CFAP46: variants seen among roughly 807,000 people sequenced by gnomAD.
CFAP46 encodes cilia and flagella associated protein 46.
CFAP46 carries 245 observed loss-of-function variants against 325.7 expected under a neutral mutation model. The ratio of observed to expected loss-of-function variants is 0.75; its 90% CI spans 0.68 to 0.84. The LOEUF (loss-of-function observed/expected upper bound fraction) is 0.84, where lower values mean the gene tolerates loss of function less well. Ranked by LOEUF, CFAP46 falls within the 40% of genes least tolerant of loss-of-function variation. The pLI is 0.00. For missense variants in CFAP46, 3,346 were observed against 3,543.0 expected (o/e 0.94, Z 1.41); for synonymous variants, 1,523 against 1,495.9 (o/e 1.02, Z -0.42).
chr10:132,867,106 C>A (rs1591063083), intron 34 of CFAP46, among the ~76,000 whole-genome samples: 1 of 151,524 alleles, frequency 6.6e-6, no homozygotes, highest in African/African-American at 2.4e-5. Context: ...CAGGCCAGCC[C>A]CACACAAACA....
intron 11 of CFAP46, 143 bp downstream of exon 11, chr10:132,924,553 G>T: frequency 1.3e-6 from 1 of 762,284 alleles, no homozygotes; most frequent in Non-Finnish European, 1.9e-6. Flanking sequence ...AGCTGGGACA[G>T]AGGGTGGCCC....
chr10:132,916,449 CGAATGCAAAGGGT>C (rs1397978798), intron 17 of CFAP46, 87 bp downstream of exon 17: 2 of 1,320,352 alleles, frequency 1.5e-6, no homozygotes, highest in East Asian at 5.9e-5. Flanking sequence ...GGTGTCCTTA[CGAATGCAAAGGGT>C]GTCCCTCCCC....
At position 132,811,021 on chromosome 10, in the gene CFAP46, C is replaced by G; in HGVS notation, c.7512G>C (p.Val2504=). Residue 2504 remains valine, a synonymous_variant, in exon 56 of 58, where the codon GTG becomes GTC. Coordinates refer to ENST00000368586, the MANE Select transcript of CFAP46 (RefSeq NM_001200049.3). ...ACCGCGCCAGGTCCAGCAGGACTGC[C>G]ACCTGGCACTCTGCCGGGACGGGAA... ...LVAMNLQECQ[V]AVLLDLARSY... The G allele has an allele frequency of 6.3e-7, 1 of 1,599,974 alleles. No homozygotes were observed.
chr10:132,938,255 C>T (rs538661071), intron 5 of CFAP46, among the ~76,000 whole-genome samples: 2 of 152,354 alleles, frequency 1.3e-5, no homozygotes, highest in South Asian at 2.1e-4. Flanking sequence ...GCTGTTAAAA[C>T]GTCTACTGCG....
chr10:132,887,939 T>TTCCCCTCTCTCTCTCC (rs1849187120), intron 25 of CFAP46, among the ~76,000 whole-genome samples: 4 of 51,526 alleles, frequency 7.8e-5, no homozygotes, highest in African/African-American at 6.3e-4. Context: ...TCTCTCCTCT[T>TTCCCCTCTCTCTCTCC]TCACCTCTCT....
intron 23 of CFAP46, 93 bp from the exon 24 acceptor site, chr10:132,899,214 C>T: frequency 2.2e-6 from 3 of 1,362,258 alleles, no homozygotes; most frequent in Non-Finnish European, 3.0e-6. Context: ...CGCCCAGGGC[C>T]CAGCCACACG....
chr10:132,913,428 C>G (rs904677304), intron 17 of CFAP46, among the ~76,000 whole-genome samples, 170 bp from the exon 18 acceptor site: 1 of 152,216 alleles, frequency 6.6e-6, no homozygotes, highest in Non-Finnish European at 1.5e-5. Context: ...GCCGCTGGCA[C>G]TCCCACCTGA....
chr10:132,888,389 TGCACCCC>T (rs1849200599), intron 25 of CFAP46, among the ~76,000 whole-genome samples: 1 of 59,110 alleles, frequency 1.7e-5, no homozygotes. Context: ...CCCTGCCGCC[TGCACCCC>T]TGCCGCCTGC....
chr10:132,904,367 C>T (rs1381350518), intron 22 of CFAP46, among the ~76,000 whole-genome samples: 15 of 149,676 alleles, frequency 1.0e-4, no homozygotes, highest in Non-Finnish European at 4.4e-5. Flanking sequence ...GGTGGAAAGG[C>T]GCCAACACTG....
chr10:132,823,521 G>GTGTGTGC (rs1564767315), intron 50 of CFAP46, among the ~76,000 whole-genome samples: 3 of 119,258 alleles, frequency 2.5e-5, no homozygotes, highest in Non-Finnish European at 5.4e-5. Context: ...GATGTGTGCT[G>GTGTGTGC]TGTGTGCTGT....
Position 132,899,103 on chromosome 10 carries a change from G to A in CFAP46, c.3075C>T (p.Gly1025=). ...CGGCCAGCATCACCAGGGCGCTGCTGCCCGCGATGCCTCCGAACCTAAAAG... is the reference window on the plus strand; with the variant it reads ...CGGCCAGCATCACCAGGGCGCTGCTACCCGCGATGCCTCCGAACCTAAAAG... ...TESARFGGIA[G]SSALVMLAAR... Residue 1025 remains glycine, a synonymous_variant, in exon 24 of 58, where the codon GGC becomes GGT. Coordinates refer to ENST00000368586, the MANE Select transcript of CFAP46 (RefSeq NM_001200049.3). 1 of 1,549,786 alleles carries A rather than the reference G, an allele frequency of 6.5e-7. No homozygotes were observed. The highest frequency in any genetic ancestry group is 8.7e-7 in the Non-Finnish European group (1 of 1,146,890).
chr10:132,863,136 G>A lies in CFAP46; in HGVS notation c.4891-2154C>T, dbSNP rs140939118. Among the ~76,000 whole-genome samples the A allele has an allele frequency of 9.3e-3, 1,410 of 152,158 alleles. 12 individuals are homozygous for A. Among genetic ancestry groups the A allele is most frequent in the South Asian group, 0.044 (210 of 4,824 alleles). Reference sequence around the variant, plus strand: ...GGGCTCCAAGGTCCACGGTGGCCCCGGGTATGAGGCAGGTTCACTCCCCAA... The same window carrying A: ...GGGCTCCAAGGTCCACGGTGGCCCCAGGTATGAGGCAGGTTCACTCCCCAA... On this transcript the variant is annotated intron_variant, in intron 35 of 57. Coordinates refer to ENST00000368586, the MANE Select transcript of CFAP46 (RefSeq NM_001200049.3).
chr10:132,829,251 T>C lies in CFAP46; in HGVS notation c.7117+4107A>G, dbSNP rs911210145. 2.6e-5 allele frequency among the ~76,000 whole-genome samples: 4 copies of C among 152,350 alleles called. No homozygotes were observed. In the East Asian group the frequency reaches 5.8e-4, roughly 22 times the overall value. ...TTTAATCTCTCTCGGCAATGTTTTA[T>C]AGTATGAGCGTATAAAGTCTTGCAC... On this transcript the variant is annotated intron_variant, in intron 50 of 57. Transcript: ENST00000368586.
At chr10:132,826,226 G>C (rs1848046376) in intron 50 of CFAP46, among the ~76,000 whole-genome samples, 1 of 137,946 alleles carries the variant, frequency 7.2e-6, no homozygotes, top group Non-Finnish European at 1.6e-5. Flanking sequence ...ACCAGCCACG[G>C]AGCCAGGCAG....
intron 22 of CFAP46, among the ~76,000 whole-genome samples, chr10:132,907,131 C>A (rs1025691922): frequency 2.6e-5 from 4 of 152,280 alleles, no homozygotes. Flanking sequence ...GGGCCTGGGG[C>A]GCTCCTTGCC....
intron 19 of CFAP46, among the ~76,000 whole-genome samples, chr10:132,910,749 A>G (rs143753112): frequency 6.6e-6 from 1 of 152,292 alleles, no homozygotes; most frequent in Non-Finnish European, 1.5e-5. Flanking sequence ...ACGTCTTGGT[A>G]GCACAGACAC....
Position 132,810,800 on chromosome 10 carries a change from G to A in CFAP46, c.7583+150C>T, listed in dbSNP as rs573868864. 1.1e-3 allele frequency: 844 copies of A among 797,174 alleles called. 15 individuals are homozygous for A. The South Asian group carries it at 0.011, about 11-fold the overall frequency. The allele number at this position is 797,174 out of a possible 1,614,324, so 49.4% of individuals were successfully genotyped here. On this transcript the variant is annotated intron_variant, in intron 56 of 57. Coordinates refer to ENST00000368586, the MANE Select transcript of CFAP46 (RefSeq NM_001200049.3). Reference sequence around the variant, plus strand: ...CCCTCCCCATGCACAGCCACACCTCGCCAACTGCTGGAACGCATGTGCACC... The same window carrying A: ...CCCTCCCCATGCACAGCCACACCTCACCAACTGCTGGAACGCATGTGCACC...
chr10:132,926,573 C>A lies in CFAP46; in HGVS notation c.1060G>T (p.Val354Phe), dbSNP rs762251453. The change falls in exon 10 of 58, where the codon GTT becomes TTT. Residue 354 changes from valine (V) to phenylalanine (F), a missense_variant. By Grantham distance (50) the Val-to-Phe change is conservative (BLOSUM62 -1). Transcript: ENST00000368586. ...SKMKVYNRAAVEAQLDIIQRL... is the reference protein window; with the variant it reads ...SKMKVYNRAAFEAQLDIIQRL... ...ACTCCTGCGTAAGGACTGACCTCAA[C>A]AGCCGCTCGGTTGTACACTTTCATC... is the stretch of plus-strand genomic sequence containing the variant. The A allele has an allele frequency of 6.5e-7, 1 of 1,535,362 alleles. No homozygotes were observed. The highest frequency in any genetic ancestry group is 1.4e-5 in the African/African-American group (1 of 73,028).
intron 44 of CFAP46, 127 bp downstream of exon 44, chr10:132,845,930 A>G: frequency 1.9e-6 from 2 of 1,027,098 alleles, no homozygotes; most frequent in East Asian, 2.6e-5. Flanking sequence ...GGGCACGGGG[A>G]GGGATGGCTC....
Sources: gnomAD v4.1 joint callset for allele counts (sites outside exome capture counted in the v4.1 genomes callset) on GRCh38, gnomAD v4.1.1 for gene constraint, MANE v1.5 for transcripts, NCBI Gene and HGNC (gene_info 2026-07-23, HGNC 2026-07-21) for gene names.